The following ENTPD7 variants were observed in gnomAD, a reference collection of about 807,000 sequenced individuals.
The protein encoded by ENTPD7 is NTPDase 7.
A neutral mutation model predicts 77.9 loss-of-function variants in ENTPD7; 53 were observed. The ratio of observed to expected loss-of-function variants is 0.68; its 90% CI spans 0.55 to 0.85. ENTPD7 has a LOEUF of 0.85. Among genes scored for constraint, ENTPD7 ranks in the 40% least tolerant of loss-of-function variants. The pLI, the probability that ENTPD7 is intolerant of heterozygous loss-of-function variation, is 0.00. For synonymous variants in ENTPD7, 248 were observed against 274.9 expected (o/e 0.90, Z 0.97); for missense variants, 636 against 743.7 (o/e 0.86, Z 1.68).
In ENTPD7 at chr10:99,695,836, AT is replaced by A. The variant is rs1590054098; in HGVS notation, c.844-119del. On this transcript the variant is annotated intron_variant, in intron 8 of 12. Transcript: ENST00000370489. ...AAAATAATGCTATGAGGATGAAAGA[AT>A]GCTTAAGATGTTTTAAAGAGTAGTC... 24 of 890,398 alleles carry A rather than the reference AT, an allele frequency of 2.7e-5. No individual in the cohort carries two copies. In the East Asian group the frequency reaches 6.7e-4, roughly 25 times the overall value. 55.2% of individuals were successfully genotyped at this position (890,398 alleles called of 1,614,324 possible). A position where few individuals can be genotyped will look rare whatever the true frequency, so the allele number is the denominator to read the frequency against.
chr10:99,704,623 A>G lies in ENTPD7; in HGVS notation c.1755A>G (p.Pro585=). The part of the protein sequence containing the change: ...IHHRQTRASA[P]LDLLWLEEVV... ...ACCGACAAACACGAGCCTCAGCTCC[A>G]TTGGACTTGCTGTGGCTTGAAGAGG... The change falls in exon 13 of 13, where the codon CCA becomes CCG. Residue 585 remains proline (P), a synonymous_variant. Coordinates refer to ENST00000370489, the MANE Select transcript of ENTPD7 (RefSeq NM_020354.5). 1 of 1,614,082 alleles carries G rather than the reference A, an allele frequency of 6.2e-7. No homozygotes were observed. The highest frequency in any genetic ancestry group is 8.5e-7 in the Non-Finnish European group (1 of 1,180,014).
At chr10:99,702,699 A>G (rs1429495843) in intron 12 of ENTPD7, 26 bp downstream of exon 12, 1 of 1,583,772 alleles carries the variant, frequency 6.3e-7, no homozygotes, top group Non-Finnish European at 8.6e-7. Flanking sequence ...CCAATCTGGT[A>G]TCTTGAGCTC....
rs761813604 is a variant in ENTPD7 at position 99,659,984 on chromosome 10, C to T, written c.8+20C>T. On this transcript the variant is annotated intron_variant, in intron 2 of 12. Coordinates refer to ENST00000370489, the MANE Select transcript of ENTPD7 (RefSeq NM_020354.5). The surrounding 1 kb of genome is among the most constrained non-coding windows in gnomAD (Gnocchi z 4.1). ...GGCTAGGTAAGGCTGCACACTTTCC[C>T]TCCGGCTGGGAGCACGGCAGAGGAT... The T allele has an allele frequency of 1.4e-5, 22 of 1,613,672 alleles. No homozygotes were observed. Among genetic ancestry groups the T allele is most frequent in the Non-Finnish European group, 1.7e-5 (20 of 1,179,928 alleles).
intron 6 of ENTPD7, among the ~76,000 whole-genome samples, chr10:99,687,352 C>T (rs1355340258): frequency 3.0e-5 from 4 of 134,032 alleles, no homozygotes; most frequent in Admixed American, 8.2e-5. Context: ...CTGCAACCTC[C>T]GCTCCCTGGT....
chr10:99,674,158 T>C (rs574915531), intron 3 of ENTPD7, among the ~76,000 whole-genome samples: 1 of 152,194 alleles, frequency 6.6e-6, no homozygotes, highest in South Asian at 2.1e-4. Flanking sequence ...AAGGAGTAGG[T>C]AGAGAAGCAG....
chr10:99,674,296 C>G (rs2035654071), intron 3 of ENTPD7, among the ~76,000 whole-genome samples: 1 of 152,122 alleles, frequency 6.6e-6, no homozygotes, highest in Admixed American at 6.5e-5. Flanking sequence ...TATAATAGTA[C>G]TAAAATGTTA....
chr10:99,679,635 G>A, intron 4 of ENTPD7, 90 bp from the exon 5 acceptor site: 1 of 1,496,848 alleles, frequency 6.7e-7, no homozygotes, highest in Non-Finnish European at 9.0e-7. Flanking sequence ...TTAGGACCTT[G>A]AGGAGAACTT....
In ENTPD7 at chr10:99,679,673, T is replaced by C. The variant is rs576202937; in HGVS notation, c.398-52T>C. ...TAGGGTATCAGTTTCCTGAGTCTTA[T>C]GTGAGCCGCTTTTTAAAGAAAGTTT... On this transcript the variant is annotated intron_variant, in intron 4 of 12. Coordinates refer to ENST00000370489, the MANE Select transcript of ENTPD7 (RefSeq NM_020354.5). 1.0e-5 allele frequency: 16 copies of C among 1,572,168 alleles called. No homozygotes were observed. The Admixed American group carries it at 1.7e-4, about 16-fold the overall frequency.
intron 3 of ENTPD7, among the ~76,000 whole-genome samples, chr10:99,675,807 AG>A (rs2035674695): frequency 6.6e-6 from 1 of 152,082 alleles, no homozygotes; most frequent in Non-Finnish European, 1.5e-5. Flanking sequence ...CATGTTAGCC[AG>A]GATGGTCTTT....
chr10:99,695,994 G>A lies in ENTPD7; in HGVS notation c.882G>A (p.Leu294=). 1 of 1,614,020 alleles carries A rather than the reference G, an allele frequency of 6.2e-7. No homozygotes were observed. Among genetic ancestry groups the A allele is most frequent in the Non-Finnish European group, 8.5e-7 (1 of 1,179,958 alleles). Residue 294 remains leucine, a synonymous_variant, in exon 9 of 13, where the codon CTG becomes CTA. Transcript: ENST00000370489. ...AAKILLAEFN[L]GCDVQHTEHV... ...AGATCCTGCTGGCTGAGTTCAACCT[G>A]GGCTGTGATGTGCAACACACTGAAC...
At position 99,704,600 on chromosome 10, in the gene ENTPD7, C is replaced by G; in HGVS notation, c.1732C>G (p.Arg578Gly). 1 of 1,614,172 alleles carries G rather than the reference C, an allele frequency of 6.2e-7. No individual in the cohort carries two copies. The highest frequency in any genetic ancestry group is 1.3e-5 in the African/African-American group (1 of 75,050). Residue 578 changes from arginine (R) to glycine (G), a missense_variant, in exon 13 of 13, where the codon CGA becomes GGA. Around this residue, in one of 3 missense-constraint regions of ENTPD7, gnomAD observed 138 missense variants for 150.9 expected, o/e 0.91. Transcript: ENST00000370489. ...TCTGCGGCTACGCCGAATTCACCAC[C>G]GACAAACACGAGCCTCAGCTCCATT... ...YLLRLRRIHH[R>G]QTRASAPLDL...
chr10:99,685,570 A>T lies in ENTPD7; in HGVS notation c.549-222A>T, dbSNP rs148527475. On this transcript the variant is annotated intron_variant, in intron 5 of 12. Coordinates refer to ENST00000370489, the MANE Select transcript of ENTPD7 (RefSeq NM_020354.5). ...GAATAATAACATCATATAAGGGGAA[A>T]GTATTACTATTACCATGTTGCCTTT... Among the ~76,000 whole-genome samples, 587 of 152,266 alleles carry T rather than the reference A, an allele frequency of 3.9e-3. 4 individuals are homozygous for T. The Middle Eastern group carries it at 0.041, about 11-fold the overall frequency.
chr10:99,679,214 C>T, intron 3 of ENTPD7, 47 bp from the exon 4 acceptor site: 1 of 1,591,042 alleles, frequency 6.3e-7, no homozygotes, highest in Non-Finnish European at 8.6e-7. Context: ...GGGCGCCTTT[C>T]ATGGACCTGA....
At chr10:99,662,399 A>G (rs1026398569) in intron 3 of ENTPD7, among the ~76,000 whole-genome samples, 1 of 152,074 alleles carries the variant, frequency 6.6e-6, no homozygotes, top group Non-Finnish European at 1.5e-5. Flanking sequence ...TCTTCCTTCA[A>G]GTAATATTAC....
At chr10:99,669,071 T>C (rs1402795676) in intron 3 of ENTPD7, among the ~76,000 whole-genome samples, 1 of 149,556 alleles carries the variant, frequency 6.7e-6, no homozygotes, top group African/African-American at 2.5e-5. Context: ...AGAGACAGTG[T>C]CTCCCTATGT....
intron 3 of ENTPD7, among the ~76,000 whole-genome samples, chr10:99,674,772 T>C (rs192844877): frequency 6.6e-6 from 1 of 152,376 alleles, no homozygotes; most frequent in East Asian, 1.9e-4. Context: ...AGTTGATTGA[T>C]ACTTGCTTTG....
chr10:99,708,318 C>A lies in ENTPD7; in HGVS notation c.*3635C>A, dbSNP rs141799782. ...TATTTTTGAAATAATTTATACTTCT[C>A]ACTGATATCATCTAAACAGATGCTT... On this transcript the variant is annotated 3_prime_UTR_variant, in exon 13 of 13. Transcript: ENST00000370489. Among the ~76,000 whole-genome samples, 417 of 152,300 alleles carry A rather than the reference C, an allele frequency of 2.7e-3. 3 individuals carry two copies. Among genetic ancestry groups the A allele is most frequent in the African/African-American group, 9.6e-3 (397 of 41,566 alleles).
At chr10:99,678,292 C>T (rs1370553857) in intron 3 of ENTPD7, among the ~76,000 whole-genome samples, 2 of 151,154 alleles carry the variant, frequency 1.3e-5, no homozygotes, top group Non-Finnish European at 3.0e-5. Context: ...CACGGTGAAA[C>T]CCCGTCTCTA....
Position 99,703,934 on chromosome 10 carries a change from C to A in ENTPD7, c.1584-518C>A, listed in dbSNP as rs550075380. 5.3e-5 allele frequency among the ~76,000 whole-genome samples: 8 copies of A among 152,162 alleles called. No individual in the cohort carries two copies. The East Asian group carries it at 1.5e-3, about 29-fold the overall frequency. ...AGAGATGGGGTCTTGTTATGTTGACCAGGCTGGTTTTGAACTCCTGGCTTC... is the reference window on the plus strand; with the variant it reads ...AGAGATGGGGTCTTGTTATGTTGACAAGGCTGGTTTTGAACTCCTGGCTTC... On this transcript the variant is annotated intron_variant, in intron 12 of 12. Coordinates refer to ENST00000370489, the MANE Select transcript of ENTPD7 (RefSeq NM_020354.5).
Sources: allele counts gnomAD v4.1 joint callset (sites outside exome capture counted in the v4.1 genomes callset), GRCh38; gene constraint gnomAD v4.1.1; regional missense constraint gnomAD v4.1.1; non-coding constraint Gnocchi (gnomAD v3.1); transcripts MANE v1.5; gene names NCBI Gene and HGNC (gene_info 2026-07-23, HGNC 2026-07-21).